PLEKHG4: variants seen among roughly 807,000 people sequenced by gnomAD.
The protein encoded by PLEKHG4 is puratrophin-1.
In PLEKHG4, 85 loss-of-function variants were observed where a neutral mutation model predicts 136.9. The observed-to-expected ratio is 0.62, with a 90% CI of 0.52 to 0.74. The LOEUF (loss-of-function observed/expected upper bound fraction) is 0.74, where lower values mean the gene tolerates loss of function less well. PLEKHG4 is among the 30% of genes least tolerant of loss of function. The pLI, the probability that PLEKHG4 is intolerant of heterozygous loss-of-function variation, is 0.00. For missense variants in PLEKHG4, 1,317 were observed against 1,527.8 expected, an observed-to-expected ratio of 0.86 and a Z score of 2.30; for synonymous variants, 577 against 646.9, an observed-to-expected ratio of 0.89 and a Z score of 1.64.
chr16:67,280,928 C>G lies in PLEKHG4; in HGVS notation c.642C>G (p.His214Gln). ...QGRAVLLLCAHSPAWLQSECS... is the reference protein window; with the variant it reads ...QGRAVLLLCAQSPAWLQSECS... The stretch of plus-strand genomic sequence containing the variant: ...GGGCAGTGCTGCTTCTGTGTGCCCA[C>G]AGCCCAGCCTGGCTTCAGTCTGAGT... Residue 214 changes from histidine to glutamine, a missense_variant, in exon 4 of 22, where the codon CAC (histidine) becomes CAG (glutamine). Coordinates refer to ENST00000379344, the MANE Select transcript of PLEKHG4 (RefSeq NM_001129729.3). The surrounding 1 kb of genome is among the most constrained non-coding windows in gnomAD (Gnocchi z 4.4). 6.2e-7 allele frequency: 1 copy of G among 1,613,216 alleles called. No homozygotes were observed.
Position 67,289,260 on chromosome 16 carries a change from C to T in PLEKHG4, c.*452C>T. 1 of 423,718 alleles carries T rather than the reference C, an allele frequency of 2.4e-6. No homozygotes were observed. The highest frequency in any genetic ancestry group is 4.6e-5 in the East Asian group (1 of 21,596). 26.2% of individuals were successfully genotyped at this position (423,718 alleles called of 1,614,324 possible). On this transcript the variant is annotated 3_prime_UTR_variant, in exon 22 of 22. Coordinates refer to ENST00000379344, the MANE Select transcript of PLEKHG4 (RefSeq NM_001129729.3). ...TACCATAGGGACAGGTCCACCTCTA[C>T]TGGGCCCTCATGCTTGCCTTTCCTG... is the stretch of plus-strand genomic sequence containing the variant.
chr16:67,278,863 C>G (rs1023422902), upstream of PLEKHG4: 1 of 152,486 alleles, frequency 6.6e-6, no homozygotes, highest in South Asian at 2.1e-4. Flanking sequence ...CCTCCTGCAC[C>G]GGACTTTGTG....
In PLEKHG4 at chr16:67,282,558, C is replaced by A. The variant is rs750849257; in HGVS notation, c.1309C>A (p.Gln437Lys). The A allele has an allele frequency of 6.2e-7, 1 of 1,613,988 alleles. No individual in the cohort carries two copies. The highest frequency in any genetic ancestry group is 2.2e-5 in the East Asian group (1 of 44,902). Reference sequence around the variant, plus strand: ...TGACCGGGTGGATGGATTGCTGCACCAACTGACCCTGCAGAGCAACCAGCG... The same window carrying A: ...TGACCGGGTGGATGGATTGCTGCACAAACTGACCCTGCAGAGCAACCAGCG... Reference protein sequence around the residue: ...LYDRVDGLLHQLTLQSNQRIQ... With the variant: ...LYDRVDGLLHKLTLQSNQRIQ... Residue 437 changes from glutamine (Q) to lysine (K), a missense_variant, in exon 10 of 22, where the codon CAA (glutamine) becomes AAA (lysine). Gln to Lys is a moderately conservative substitution (Grantham distance 53). Coordinates refer to ENST00000379344, the MANE Select transcript of PLEKHG4 (RefSeq NM_001129729.3).
chr16:67,288,701 C>T (rs2036605238), intron 21 of PLEKHG4, 97 bp downstream of exon 21: 1 of 1,599,114 alleles, frequency 6.3e-7, no homozygotes, highest in Admixed American at 1.7e-5. Flanking sequence ...TAGGCCTTTA[C>T]TTTGGGTAGA....
intron 18 of PLEKHG4, chr16:67,287,668 C>T (rs951585983): frequency 1.7e-6 from 1 of 597,094 alleles, no homozygotes. Context: ...GTTGGGATTA[C>T]AGGCGTGAGC....
intron 5 of PLEKHG4, 64 bp from the exon 6 acceptor site, chr16:67,281,501 CAG>C: frequency 7.2e-7 from 1 of 1,382,342 alleles, no homozygotes; most frequent in South Asian, 1.2e-5. Flanking sequence ...GCCGCAATTA[CAG>C]GCGTGAGCCA....
At chr16:67,281,985 G>A (rs369689347) in intron 7 of PLEKHG4, 24 bp from the exon 8 acceptor site, 154 of 1,598,934 alleles carry the variant, frequency 9.6e-5, no homozygotes, top group Non-Finnish European at 1.2e-4. Context: ...ATGCTGCTCC[G>A]GTCATGCCTG....
In PLEKHG4 at chr16:67,289,443, C is replaced by T. The variant is rs989996999; in HGVS notation, c.*635C>T. On this transcript the variant is annotated 3_prime_UTR_variant, in exon 22 of 22. Coordinates refer to ENST00000379344, the MANE Select transcript of PLEKHG4 (RefSeq NM_001129729.3). ...CTAGGTCTTTGATGTGTGATTTAAT[C>T]TTTTATTTGTTTATAATAAAAAATA... 1.8e-6 allele frequency: 1 copy of T among 556,914 alleles called. No individual in the cohort carries two copies. Among genetic ancestry groups the T allele is most frequent in the African/African-American group, 1.9e-5 (1 of 52,450 alleles). The allele number at this position is 556,914 out of a possible 1,614,324, so 34.5% of individuals were successfully genotyped here. A position where few individuals can be genotyped will look rare whatever the true frequency, so the allele number is the denominator to read the frequency against.
chr16:67,281,865 C>T (rs370139506), intron 7 of PLEKHG4, 28 bp downstream of exon 7: 13 of 1,587,840 alleles, frequency 8.2e-6, no homozygotes, highest in Non-Finnish European at 1.1e-5. Flanking sequence ...GGCATGGGGG[C>T]AGTCATATAG....
intron 11 of PLEKHG4, among the ~76,000 whole-genome samples, chr16:67,283,229 T>A (rs1308782798): frequency 3.3e-5 from 5 of 151,998 alleles, no homozygotes; most frequent in African/African-American, 1.2e-4. Flanking sequence ...AAAGGTCCTG[T>A]GGCAGGATGG....
rs144526348 is a variant in PLEKHG4 at position 67,282,839 on chromosome 16, A to G, written c.1490A>G (p.Glu497Gly). ...CTCCAGGCCCAAGGCTCTTTTCAGG[A>G]GCTGTACCAGGTTGCCCAGGTATAT... ...MLLQAQGSFQ[E>G]LYQVAQEQVR... The change falls in exon 11 of 22, where the codon GAG (glutamate) becomes GGG (glycine). Residue 497 changes from glutamate (E) to glycine (G), a missense_variant. Coordinates refer to ENST00000379344, the MANE Select transcript of PLEKHG4 (RefSeq NM_001129729.3). 28 of 1,613,054 alleles carry G rather than the reference A, an allele frequency of 1.7e-5. No homozygotes were observed. Among genetic ancestry groups the G allele is most frequent in the Non-Finnish European group, 2.3e-5 (27 of 1,179,900 alleles).
At position 67,281,193 on chromosome 16, in the gene PLEKHG4, A is replaced by G. The variant is rs147937683; in HGVS notation, c.813+9A>G. The stretch of plus-strand genomic sequence containing the variant: ...GGCTCAGCCAACTACAAGTGAGTAC[A>G]GGATTGTAGCTCCCCTCATTCCTTT... On this transcript the variant is annotated intron_variant, in intron 5 of 21. Transcript: ENST00000379344. 868 of 1,559,764 alleles carry G rather than the reference A, an allele frequency of 5.6e-4. 4 individuals are homozygous for G. In the African/African-American group the frequency reaches 0.01, roughly 19 times the overall value.
intron 11 of PLEKHG4, among the ~76,000 whole-genome samples, chr16:67,283,067 G>A (rs543338920): frequency 2.9e-4 from 44 of 152,232 alleles, no homozygotes; most frequent in Non-Finnish European, 3.7e-4. Flanking sequence ...GATTCTGCCT[G>A]AGGGTATAAC....
At position 67,286,518 on chromosome 16, in the gene PLEKHG4, A is replaced by G. The variant is rs1202026799; in HGVS notation, c.2606A>G (p.Lys869Arg). Reference sequence around the variant, plus strand: ...CTAAAGCCCATCCAGCGCATGGGCAAGTACGCACTGCTGCTGCAGGAGCTG... The same window carrying G: ...CTAAAGCCCATCCAGCGCATGGGCAGGTACGCACTGCTGCTGCAGGAGCTG... ...YLLKPIQRMG[K>R]YALLLQELAR... Residue 869 changes from lysine (K) to arginine (R), a missense_variant, in exon 16 of 22, where the codon AAG becomes AGG. Lys to Arg is a conservative substitution (Grantham distance 26). Coordinates refer to ENST00000379344, the MANE Select transcript of PLEKHG4 (RefSeq NM_001129729.3). The G allele has an allele frequency of 6.3e-7, 1 of 1,590,122 alleles. No individual in the cohort carries two copies. The highest frequency in any genetic ancestry group is 8.6e-7 in the Non-Finnish European group (1 of 1,166,806).
intron 7 of PLEKHG4, 65 bp from the exon 8 acceptor site, chr16:67,281,944 T>C: frequency 6.4e-7 from 1 of 1,556,108 alleles, no homozygotes; most frequent in Admixed American, 1.7e-5. Flanking sequence ...TGCAGTGGCC[T>C]GGAACCCAGG....
In PLEKHG4 at chr16:67,287,929, T is replaced by G. The variant is rs202034531; in HGVS notation, c.3135T>G (p.Gly1045=). The change falls in exon 19 of 22, where the codon GGT becomes GGG. Residue 1045 remains glycine (G), a synonymous_variant. Transcript: ENST00000379344. Reference sequence around the variant, plus strand: ...GCATGGCTGAGATGGTGTCCATGGGTGTGGGGAACAAGGCCTTCCGAGACA... The same window carrying G: ...GCATGGCTGAGATGGTGTCCATGGGGGTGGGGAACAAGGCCTTCCGAGACA... ...EVRMAEMVSM[G]VGNKAFRDIA... is the part of the protein sequence containing the mutation. 5 of 1,613,542 alleles carry G rather than the reference T, an allele frequency of 3.1e-6. No homozygotes were observed. In the African/African-American group the frequency reaches 6.7e-5, roughly 22 times the overall value.
Position 67,281,072 on chromosome 16 carries a change from C to T in PLEKHG4, c.720-19C>T. 1.9e-6 allele frequency: 3 copies of T among 1,613,870 alleles called. No individual in the cohort carries two copies. The highest frequency in any genetic ancestry group is 2.5e-6 in the Non-Finnish European group (3 of 1,179,768). On this transcript the variant is annotated intron_variant, in intron 4 of 21. Transcript: ENST00000379344. ...TGAGGACTGGGAGTCAGGTACTGAA[C>T]TGAAGCTCACCCCTTTAGGCCCGAA...
chr16:67,286,381 T>A lies in PLEKHG4; in HGVS notation c.2532+18T>A. ...TCTTCAAGGTAAGTGAACCTGAGAT[T>A]AGGAGGAGTAGGGGATGCGGGGAGT... On this transcript the variant is annotated intron_variant, in intron 15 of 21. Coordinates refer to ENST00000379344, the MANE Select transcript of PLEKHG4 (RefSeq NM_001129729.3). 1 of 1,610,834 alleles carries A rather than the reference T, an allele frequency of 6.2e-7. No homozygotes were observed. Among genetic ancestry groups the A allele is most frequent in the East Asian group, 2.2e-5 (1 of 44,852 alleles).
At position 67,282,836 on chromosome 16, in the gene PLEKHG4, A is replaced by C; in HGVS notation, c.1487A>C (p.Gln496Pro). Residue 496 changes from glutamine to proline, a missense_variant, in exon 11 of 22, where the codon CAG becomes CCG. Coordinates refer to ENST00000379344, the MANE Select transcript of PLEKHG4 (RefSeq NM_001129729.3). ...DMLLQAQGSF[Q>P]ELYQVAQEQV... is the part of the protein sequence containing the mutation. ...CTGCTCCAGGCCCAAGGCTCTTTTCAGGAGCTGTACCAGGTTGCCCAGGTA... is the reference window on the plus strand; with the variant it reads ...CTGCTCCAGGCCCAAGGCTCTTTTCCGGAGCTGTACCAGGTTGCCCAGGTA... 6.2e-7 allele frequency: 1 copy of C among 1,613,338 alleles called. No individual in the cohort carries two copies. Among genetic ancestry groups the C allele is most frequent in the African/African-American group, 1.3e-5 (1 of 75,054 alleles).
Sources: allele counts gnomAD v4.1 joint callset (sites outside exome capture counted in the v4.1 genomes callset), GRCh38; gene constraint gnomAD v4.1.1; non-coding constraint Gnocchi (gnomAD v3.1); transcripts MANE v1.5; gene names NCBI Gene and HGNC (gene_info 2026-07-23, HGNC 2026-07-21).